NRXN1: variants seen among roughly 807,000 people sequenced by gnomAD.
NRXN1 encodes neurexin 1.
In NRXN1, 39 loss-of-function variants were observed where a neutral mutation model predicts 150.9. The observed-to-expected ratio is 0.26, with a 90% CI of 0.20 to 0.34. The LOEUF (loss-of-function observed/expected upper bound fraction) is 0.34, where lower values mean the gene tolerates loss of function less well. Among genes scored for constraint, NRXN1 ranks in the 10% least tolerant of loss-of-function variants. The pLI is 1.00. For synonymous variants in NRXN1, 924 were observed against 757.0 expected, an observed-to-expected ratio of 1.22 and a Z score of -3.62; for missense variants, 1,815 against 1,949.9, an observed-to-expected ratio of 0.93 and a Z score of 1.30.
At chr2:50,821,505 G>A (rs937060672) in intron 5 of NRXN1, among the ~76,000 whole-genome samples, 4 of 152,118 alleles carry the variant, frequency 2.6e-5, no homozygotes, top group Non-Finnish European at 4.4e-5. Context: ...TCCTTCATAA[G>A]ACTGTAGTGA....
At chr2:50,989,486 T>C (rs899118224) in intron 2 of NRXN1, among the ~76,000 whole-genome samples, 1 of 151,992 alleles carries the variant, frequency 6.6e-6, no homozygotes, top group Non-Finnish European at 1.5e-5. Context: ...CATTTAGCAA[T>C]CAGCAATTGT....
intron 12 of NRXN1, among the ~76,000 whole-genome samples, chr2:50,516,923 GAA>G (rs1219438174): frequency 6.6e-6 from 1 of 152,046 alleles, no homozygotes; most frequent in East Asian, 1.9e-4. Flanking sequence ...TAATAACAGA[GAA>G]AGACATTTTA....
chr2:49,974,388 A>C (rs1334798608), intron 21 of NRXN1, among the ~76,000 whole-genome samples: 1 of 151,658 alleles, frequency 6.6e-6, no homozygotes, highest in Non-Finnish European at 1.5e-5. Flanking sequence ...AGGTAAACAG[A>C]CCTCCCTCTA....
chr2:50,762,153 A>ACG (rs1354964880), intron 5 of NRXN1, among the ~76,000 whole-genome samples: 2 of 140,454 alleles, frequency 1.4e-5, no homozygotes, highest in South Asian at 2.3e-4. Context: ...ACACACACAC[A>ACG]TCTATCCTAT....
At chr2:50,387,084 G>A (rs76214362) in intron 17 of NRXN1, among the ~76,000 whole-genome samples, 2,218 of 151,914 alleles carry the variant, frequency 0.015, 54 homozygotes, top group African/African-American at 0.048. Context: ...GATCATATAG[G>A]GTCTGATTCA....
chr2:50,424,763 C>G (rs1039339897), intron 17 of NRXN1, among the ~76,000 whole-genome samples: 1 of 152,090 alleles, frequency 6.6e-6, no homozygotes, highest in Non-Finnish European at 1.5e-5. Flanking sequence ...TCCTGGATAC[C>G]TATTTGTACT....
intron 5 of NRXN1, among the ~76,000 whole-genome samples, chr2:50,745,173 C>T (rs913837195): frequency 6.6e-6 from 1 of 151,952 alleles, no homozygotes; most frequent in East Asian, 1.9e-4. Flanking sequence ...CTCATCTATA[C>T]AATAAAGTTG....
chr2:50,466,964 G>A (rs576639881), intron 16 of NRXN1, among the ~76,000 whole-genome samples: 2 of 151,826 alleles, frequency 1.3e-5, no homozygotes, highest in Admixed American at 1.3e-4. Flanking sequence ...AAACCGTAAT[G>A]CCAGCCATTC....
chr2:50,447,274 G>C (rs1255551626), intron 17 of NRXN1, among the ~76,000 whole-genome samples: 1 of 151,776 alleles, frequency 6.6e-6, no homozygotes, highest in Admixed American at 6.6e-5. Context: ...AGAATTTCGA[G>C]ATCAGCCTGG....
At chr2:50,224,484 T>C (rs949529943) in intron 18 of NRXN1, among the ~76,000 whole-genome samples, 5 of 151,962 alleles carry the variant, frequency 3.3e-5, no homozygotes, top group Admixed American at 2.6e-4. Flanking sequence ...TTCTTCTGAC[T>C]AAGCCAAATA....
chr2:50,415,990 T>C (rs549535038), intron 17 of NRXN1, among the ~76,000 whole-genome samples: 1 of 149,522 alleles, frequency 6.7e-6, no homozygotes, highest in Admixed American at 6.7e-5. Context: ...ACTAGTACCA[T>C]TGATTTGTTC....
intron 21 of NRXN1, among the ~76,000 whole-genome samples, chr2:49,991,245 G>GA (rs1274868598): frequency 6.6e-6 from 1 of 151,578 alleles, no homozygotes; most frequent in Non-Finnish European, 1.5e-5. Flanking sequence ...AATAAGACAA[G>GA]AAAAAAATAG....
At chr2:50,068,015 G>C (rs897706507) in intron 19 of NRXN1, among the ~76,000 whole-genome samples, 1 of 152,118 alleles carries the variant, frequency 6.6e-6, no homozygotes, top group African/African-American at 2.4e-5. Context: ...AAAAAAGATA[G>C]GTGAATGTTT....
intron 17 of NRXN1, among the ~76,000 whole-genome samples, chr2:50,426,081 T>C (rs1480744285): frequency 6.6e-6 from 1 of 152,236 alleles, no homozygotes; most frequent in African/African-American, 2.4e-5. Flanking sequence ...AATCAAATGA[T>C]ATTATTTGAA....
intron 8 of NRXN1, among the ~76,000 whole-genome samples, chr2:50,614,053 A>G (rs1678630649): frequency 6.6e-6 from 1 of 152,202 alleles, no homozygotes; most frequent in African/African-American, 2.4e-5. Context: ...GCAAAAAGCA[A>G]CTGTCTTCCC....
At position 50,015,533 on chromosome 2, in the gene NRXN1, A is replaced by T. The variant is rs866147134; in HGVS notation, c.4128+37738T>A. ...ATTTCTGCCAAAAAAAAAAAAAAAA[A>T]AAAAAAAAAAAGACCTGGGCTTGGG... On this transcript the variant is annotated intron_variant, in intron 21 of 22. Coordinates refer to ENST00000401669, the MANE Select transcript of NRXN1 (RefSeq NM_001330078.2). 4.9e-4 allele frequency among the ~76,000 whole-genome samples: 73 copies of T among 149,906 alleles called. 1 individual carries two copies. In the East Asian group the frequency reaches 0.014, roughly 28 times the overall value.
intron 17 of NRXN1, among the ~76,000 whole-genome samples, chr2:50,258,067 G>T (rs984589087): frequency 6.6e-6 from 1 of 151,972 alleles, no homozygotes; most frequent in Admixed American, 6.6e-5. Flanking sequence ...GATGGTGGAG[G>T]ATCTTGCTTC....
At chr2:50,356,842 CT>C (rs2078853051) in intron 17 of NRXN1, among the ~76,000 whole-genome samples, 1 of 152,108 alleles carries the variant, frequency 6.6e-6, no homozygotes, top group African/African-American at 2.4e-5. Flanking sequence ...TACTTGATGA[CT>C]GCCTCTTACG....
intron 8 of NRXN1, among the ~76,000 whole-genome samples, chr2:50,584,643 G>T (rs1672803639): frequency 6.6e-6 from 1 of 152,146 alleles, no homozygotes. Context: ...AAGAAGAGCA[G>T]GTTTTCTCCT....
Sources: allele counts gnomAD v4.1 joint callset (sites outside exome capture counted in the v4.1 genomes callset), GRCh38; gene constraint gnomAD v4.1.1; transcripts MANE v1.5; gene names NCBI Gene and HGNC (gene_info 2026-07-23, HGNC 2026-07-21).